Variants in TENM4 observed in about 807,000 individuals in gnomAD.
TENM4 encodes teneurin transmembrane protein 4.
TENM4 carries 82 observed loss-of-function variants against 243.3 expected under a neutral mutation model. That is an observed-to-expected ratio of 0.34 (90% CI 0.28 to 0.40). The LOEUF is 0.40. Ranked by LOEUF, TENM4 falls within the 10% of genes least tolerant of loss-of-function variation. The pLI is 1.00. For missense variants in TENM4, 3,138 were observed against 3,673.3 expected (o/e 0.85, Z 3.77); for synonymous variants, 1,412 against 1,456.3 (o/e 0.97, Z 0.69).
chr11:78,990,510 A>G (rs112157038), intron 6 of TENM4, among the ~76,000 whole-genome samples: 4 of 152,362 alleles, frequency 2.6e-5, no homozygotes, highest in South Asian at 2.1e-4. Flanking sequence ...AAGCTGTTAA[A>G]AAGAATGAGG....
At chr11:79,002,057 C>T (rs909635726) in intron 6 of TENM4, among the ~76,000 whole-genome samples, 1 of 151,794 alleles carries the variant, frequency 6.6e-6, no homozygotes, top group African/African-American at 2.4e-5. Context: ...TGCAAGCATA[C>T]CCCACTGCAC....
chr11:78,717,291 A>G (rs1859541954), intron 25 of TENM4, among the ~76,000 whole-genome samples: 1 of 152,232 alleles, frequency 6.6e-6, no homozygotes, highest in Non-Finnish European at 1.5e-5. Flanking sequence ...CTGTAGGGAC[A>G]TACAGGCTCA....
intron 18 of TENM4, among the ~76,000 whole-genome samples, chr11:78,765,231 C>G (rs1270560089): frequency 6.6e-6 from 1 of 152,186 alleles, no homozygotes; most frequent in Non-Finnish European, 1.5e-5. Flanking sequence ...TTGTCATTTG[C>G]TATAATAAAT....
chr11:79,063,640 G>A (rs1156888307), intron 6 of TENM4, among the ~76,000 whole-genome samples: 1 of 152,186 alleles, frequency 6.6e-6, no homozygotes, highest in East Asian at 1.9e-4. Flanking sequence ...ATATATAGAA[G>A]GGGAGATTCC....
intron 2 of TENM4, among the ~76,000 whole-genome samples, chr11:79,262,429 G>A (rs932710698): frequency 6.6e-6 from 1 of 152,172 alleles, no homozygotes; most frequent in Non-Finnish European, 1.5e-5. Flanking sequence ...AGGGTAGGGA[G>A]CCCCAAAGGA....
intron 24 of TENM4, 97 bp downstream of exon 24, chr11:78,722,571 A>G: frequency 6.7e-7 from 1 of 1,497,350 alleles, no homozygotes; most frequent in Non-Finnish European, 9.0e-7. Flanking sequence ...GCTCTGTCCT[A>G]TCCCACTTCC....
chr11:78,888,550 CA>C (rs1855593796), intron 9 of TENM4, among the ~76,000 whole-genome samples: 1 of 152,148 alleles, frequency 6.6e-6, no homozygotes, highest in Non-Finnish European at 1.5e-5. Context: ...CAGCTTATGC[CA>C]CTCAAACCCC....
At chr11:79,137,484 G>T (rs1390581022) in intron 4 of TENM4, among the ~76,000 whole-genome samples, 1 of 151,800 alleles carries the variant, frequency 6.6e-6, no homozygotes, top group Non-Finnish European at 1.5e-5. Flanking sequence ...TTTGGATCAT[G>T]CCACCAGGCA....
rs34590249 is a variant in TENM4 at position 78,979,009 on chromosome 11, G to A, written c.494-75486C>T. On this transcript the variant is annotated intron_variant, in intron 6 of 33. Transcript: ENST00000278550. ...GTGCCTTGGATTTCATGGGATTGGG[G>A]AAATGACAGAAGAGAAAGGTGCCTG... 4.3e-3 allele frequency among the ~76,000 whole-genome samples: 658 copies of A among 152,256 alleles called. 5 individuals are homozygous for A. Among genetic ancestry groups the A allele is most frequent in the African/African-American group, 0.015 (629 of 41,532 alleles).
rs115815676 is a variant in TENM4 at position 78,751,399 on chromosome 11, C to T, written c.2756+5406G>A. The stretch of plus-strand genomic sequence containing the variant: ...GCTGAGTCTTGTAGCTCCCTGTCCA[C>T]GACCATCTATTGCCTGATGGAGCCA... On this transcript the variant is annotated intron_variant, in intron 19 of 33. Transcript: ENST00000278550. Among the ~76,000 whole-genome samples the T allele has an allele frequency of 2.7e-3, 410 of 152,270 alleles. 5 individuals are homozygous for T. The highest frequency in any genetic ancestry group is 9.2e-3 in the African/African-American group (384 of 41,548).
intron 9 of TENM4, among the ~76,000 whole-genome samples, chr11:78,872,878 T>G (rs1417116381): frequency 6.6e-6 from 1 of 152,202 alleles, no homozygotes. Flanking sequence ...CCACTGTACC[T>G]CAAATGGAGT....
chr11:78,950,268 G>A (rs57736916), intron 6 of TENM4, among the ~76,000 whole-genome samples: 1,700 of 152,324 alleles, frequency 0.011, 49 homozygotes, highest in East Asian at 0.11. Context: ...ACAGAGCAGA[G>A]AGCCGGAGTG....
In TENM4 at chr11:78,724,642, C is replaced by A. The variant is rs149442829; in HGVS notation, c.3550+1437G>T. Among the ~76,000 whole-genome samples the A allele has an allele frequency of 2.0e-3, 300 of 152,328 alleles. 1 individual carries two copies. Among genetic ancestry groups the A allele is most frequent in the Non-Finnish European group, 2.7e-3 (187 of 68,032 alleles). On this transcript the variant is annotated intron_variant, in intron 23 of 33. Coordinates refer to ENST00000278550, the MANE Select transcript of TENM4 (RefSeq NM_001098816.3). Reference sequence around the variant, plus strand: ...GGCAGAAACTTCTCCTTCCTATCCACCCTTTCCTTCTTTTGCAGTTACAGA... The same window carrying A: ...GGCAGAAACTTCTCCTTCCTATCCAACCTTTCCTTCTTTTGCAGTTACAGA...
At chr11:78,924,658 A>T (rs1190901237) in intron 6 of TENM4, 2 of 152,304 alleles carry the variant, frequency 1.3e-5, no homozygotes, top group East Asian at 3.9e-4. Flanking sequence ...ACTCCGTGAT[A>T]GGTATTATGA....
intron 1 of TENM4, among the ~76,000 whole-genome samples, chr11:79,414,976 G>A (rs184028801): frequency 1.3e-5 from 2 of 152,336 alleles, no homozygotes; most frequent in African/African-American, 4.8e-5. Context: ...GCTTAGGGGA[G>A]AGGCCTCGTG....
intron 1 of TENM4, among the ~76,000 whole-genome samples, chr11:79,394,037 A>G (rs1858290632): frequency 6.6e-6 from 1 of 152,170 alleles, no homozygotes; most frequent in Non-Finnish European, 1.5e-5. Flanking sequence ...GTGAGAATTG[A>G]ACCCTGGCTC....
chr11:79,068,462 G>A (rs1298437782), intron 5 of TENM4: 1 of 152,204 alleles, frequency 6.6e-6, no homozygotes, highest in African/African-American at 2.4e-5. Context: ...CAGGCCTGTG[G>A]GAGAGAATGG....
At chr11:78,967,942 TC>T (rs1435446656) in intron 6 of TENM4, among the ~76,000 whole-genome samples, 1 of 152,208 alleles carries the variant, frequency 6.6e-6, no homozygotes, top group Non-Finnish European at 1.5e-5. Context: ...TGGATACCTG[TC>T]CCCTCCAAAT....
chr11:79,339,293 G>A (rs889995957), intron 1 of TENM4, among the ~76,000 whole-genome samples: 1 of 152,196 alleles, frequency 6.6e-6, no homozygotes, highest in Non-Finnish European at 1.5e-5. Flanking sequence ...TCATCTATAG[G>A]GCCGGCTAGG....
Sources: allele counts gnomAD v4.1 joint callset (sites outside exome capture counted in the v4.1 genomes callset), GRCh38; gene constraint gnomAD v4.1.1; transcripts MANE v1.5; gene names NCBI Gene and HGNC (gene_info 2026-07-23, HGNC 2026-07-21).